CSNK2A2: variants seen among roughly 807,000 people sequenced by gnomAD.
The protein encoded by CSNK2A2 is casein kinase II subunit alpha'.
Under a neutral mutation model 54.0 loss-of-function variants are expected in CSNK2A2, and 8 were observed. The observed-to-expected ratio is 0.15, with a 90% CI of 0.09 to 0.27. CSNK2A2 has a LOEUF of 0.27. Among genes scored for constraint, CSNK2A2 ranks in the 10% least tolerant of loss-of-function variants. CSNK2A2 has a pLI of 1.00. For missense variants in CSNK2A2, 242 were observed against 439.4 expected, an observed-to-expected ratio of 0.55 and a Z score of 4.02; for synonymous variants, 141 against 153.9, an observed-to-expected ratio of 0.92 and a Z score of 0.62.
intron 2 of CSNK2A2, 113 bp downstream of exon 2, chr16:58,196,619 TA>T (rs1962459403): frequency 2.6e-6 from 2 of 758,128 alleles, no homozygotes; most frequent in Admixed American, 1.8e-5. Flanking sequence ...TCTAAACAAA[TA>T]AATTAAATTA....
At chr16:58,163,663 C>A (rs1394653311) in intron 11 of CSNK2A2, 1 of 154,994 alleles carries the variant, frequency 6.5e-6, no homozygotes, top group African/African-American at 2.4e-5. Flanking sequence ...AAGACTTGAG[C>A]CTGAATTTCA....
At chr16:58,168,985 G>A (rs1961654709) in intron 5 of CSNK2A2, among the ~76,000 whole-genome samples, 2 of 151,624 alleles carry the variant, frequency 1.3e-5, no homozygotes, top group South Asian at 4.2e-4. Flanking sequence ...GGAGTGCAGT[G>A]GTGCAATCTC....
In CSNK2A2 at chr16:58,165,611, C is replaced by T. The variant is rs1310591338; in HGVS notation, c.925G>A (p.Asp309Asn). 5 of 1,613,928 alleles carry T rather than the reference C, an allele frequency of 3.1e-6. No homozygotes were observed. Among genetic ancestry groups the T allele is most frequent in the East Asian group, 2.2e-5 (1 of 44,896 alleles). Residue 309 changes from aspartate (D) to asparagine (N), a missense_variant, in exon 10 of 12, where the codon GAC becomes AAC. This residue lies in a region of CSNK2A2 where 81 missense variants were observed against 135.0 expected (regional missense o/e 0.60). Coordinates refer to ENST00000262506, the MANE Select transcript of CSNK2A2 (RefSeq NM_001896.4). The stretch of plus-strand genomic sequence containing the variant: ...TTGGCAGTCAGTCTCTGTTGATGGT[C>T]GTATCGCAGAAGTTTGTCCAGAAGA... ...LDLLDKLLRY[D>N]HQQRLTAKEA...
rs1042117947 is a variant in CSNK2A2, at chr16:58,158,092, A to G, written c.*279T>C. 2.0e-5 allele frequency: 3 copies of G among 152,586 alleles called. No homozygotes were observed. The highest frequency in any genetic ancestry group is 4.4e-5 in the Non-Finnish European group (3 of 68,038). 9.5% of individuals were successfully genotyped at this position (152,586 alleles called of 1,614,324 possible). On this transcript the variant is annotated 3_prime_UTR_variant, in exon 12 of 12. Coordinates refer to ENST00000262506, the MANE Select transcript of CSNK2A2 (RefSeq NM_001896.4). ...GGCTCGGGGAGCAACAGTAACCAAC[A>G]ACATTCTGCATACCCTTCACATTCC...
intron 5 of CSNK2A2, among the ~76,000 whole-genome samples, chr16:58,172,318 CTG>C (rs899819014): frequency 1.3e-5 from 2 of 152,074 alleles, no homozygotes; most frequent in African/African-American, 2.4e-5. Flanking sequence ...TTTATAATAA[CTG>C]TAGCAAGATT....
Position 58,196,726 on chromosome 16 carries a change from C to G in CSNK2A2, c.216+7G>C. ...AAAATGTTACATACCACTCATAGGA[C>G]ACTCACCTTCAGGATTTTTACAACC... On this transcript the variant is annotated splice_region_variant and intron_variant, in intron 2 of 11. Coordinates refer to ENST00000262506, the MANE Select transcript of CSNK2A2 (RefSeq NM_001896.4). 2 of 1,576,680 alleles carry G rather than the reference C, an allele frequency of 1.3e-6. No individual in the cohort carries two copies. Among genetic ancestry groups the G allele is most frequent in the Non-Finnish European group, 1.7e-6 (2 of 1,145,882 alleles).
chr16:58,193,962 G>C lies in CSNK2A2; in HGVS notation c.216+2771C>G, dbSNP rs896876496. Among the ~76,000 whole-genome samples, 4 of 152,164 alleles carry C rather than the reference G, an allele frequency of 2.6e-5. No individual in the cohort carries two copies. The East Asian group carries it at 5.8e-4, about 22-fold the overall frequency. On this transcript the variant is annotated intron_variant, in intron 2 of 11. Transcript: ENST00000262506. ...TCTAAATTCCTAAAACTTTTTAGCA[G>C]CTCATTTTTGATCAATACCTGGAAA...
chr16:58,186,352 G>A lies in CSNK2A2; in HGVS notation c.318+403C>T, dbSNP rs75693881. On this transcript the variant is annotated intron_variant, in intron 3 of 11. Coordinates refer to ENST00000262506, the MANE Select transcript of CSNK2A2 (RefSeq NM_001896.4). ...TCAGGCCTTTATGCCAGGTGTCCAC[G>A]TGGAGATATTCATTCTTTCCTTGTG... 7.7e-3 allele frequency among the ~76,000 whole-genome samples: 1,166 copies of A among 152,314 alleles called. 6 individuals carry two copies. Among genetic ancestry groups the A allele is most frequent in the Non-Finnish European group, 0.012 (796 of 68,030 alleles).
intron 6 of CSNK2A2, 70 bp downstream of exon 6, chr16:58,168,540 G>A: frequency 1.5e-6 from 2 of 1,293,378 alleles, no homozygotes; most frequent in South Asian, 1.3e-5. Context: ...AACCATCATG[G>A]CACTGGACAG....
chr16:58,180,573 T>C (rs1474743233), intron 4 of CSNK2A2, among the ~76,000 whole-genome samples: 2 of 152,054 alleles, frequency 1.3e-5, no homozygotes, highest in African/African-American at 4.8e-5. Flanking sequence ...AAGACATCTA[T>C]CCATATAATA....
intron 5 of CSNK2A2, among the ~76,000 whole-genome samples, chr16:58,169,008 G>T (rs1205985960): frequency 6.6e-6 from 1 of 151,674 alleles, no homozygotes; most frequent in African/African-American, 2.4e-5. Context: ...CTCACTGCAA[G>T]CTCTGCCTCC....
chr16:58,168,779 T>C (rs1961644493), intron 5 of CSNK2A2, 86 bp from the exon 6 acceptor site: 6 of 1,049,406 alleles, frequency 5.7e-6, no homozygotes, highest in Non-Finnish European at 8.7e-6. Flanking sequence ...TGTGACACCT[T>C]GACTTGAATA....
intron 2 of CSNK2A2, among the ~76,000 whole-genome samples, chr16:58,191,460 C>A (rs539081741): frequency 6.6e-6 from 1 of 152,254 alleles, no homozygotes; most frequent in Non-Finnish European, 1.5e-5. Flanking sequence ...CTCCCGGGTT[C>A]AAGCAATTCT....
chr16:58,186,428 C>T (rs947475314), intron 3 of CSNK2A2, among the ~76,000 whole-genome samples: 3 of 152,122 alleles, frequency 2.0e-5, no homozygotes, highest in Admixed American at 6.5e-5. Context: ...TAGAGTAACA[C>T]AAATTGGCAG....
chr16:58,182,663 G>C (rs1962087218), intron 4 of CSNK2A2, among the ~76,000 whole-genome samples: 1 of 152,016 alleles, frequency 6.6e-6, no homozygotes, highest in African/African-American at 2.4e-5. Flanking sequence ...TTAAAACTTG[G>C]GGAATTACAC....
At chr16:58,172,498 C>G (rs1961771102) in intron 5 of CSNK2A2, among the ~76,000 whole-genome samples, 1 of 152,170 alleles carries the variant, frequency 6.6e-6, no homozygotes, top group South Asian at 2.1e-4. Context: ...CTTCCCCACT[C>G]CTGTTTTTTC....
intron 3 of CSNK2A2, among the ~76,000 whole-genome samples, chr16:58,186,324 T>C (rs913597739): frequency 2.0e-5 from 3 of 152,244 alleles, no homozygotes; most frequent in African/African-American, 4.8e-5. Context: ...AGCTGGGACC[T>C]GCTCAGGCCT....
intron 11 of CSNK2A2, chr16:58,160,940 T>C (rs1461725608): frequency 2.0e-5 from 3 of 152,368 alleles, no homozygotes; most frequent in Admixed American, 2.0e-4. Flanking sequence ...GAGGCCTGGC[T>C]GAGTGACTGG....
chr16:58,166,863 T>C (rs1238137057), intron 8 of CSNK2A2, among the ~76,000 whole-genome samples, 179 bp from the exon 9 acceptor site: 1 of 152,128 alleles, frequency 6.6e-6, no homozygotes, highest in East Asian at 1.9e-4. Flanking sequence ...TGAATGCAAA[T>C]TTCCAAACGG....
Sources: allele counts gnomAD v4.1 joint callset (sites outside exome capture counted in the v4.1 genomes callset), GRCh38; gene constraint gnomAD v4.1.1; regional missense constraint gnomAD v4.1.1; transcripts MANE v1.5; gene names NCBI Gene and HGNC (gene_info 2026-07-23, HGNC 2026-07-21).